CCDC60: variants seen among roughly 807,000 people sequenced by gnomAD.
CCDC60 encodes the protein coiled-coil domain-containing protein 60.
In CCDC60, 54 loss-of-function variants were observed where a neutral mutation model predicts 63.5. The observed-to-expected ratio is 0.85, with a 90% CI of 0.68 to 1.07. CCDC60 has a LOEUF of 1.07. Among genes scored for constraint, CCDC60 ranks in the 50% least tolerant of loss-of-function variants. CCDC60 has a pLI of 0.00. For missense variants in CCDC60, 651 were observed against 684.3 expected, an observed-to-expected ratio of 0.95 and a Z score of 0.54; for synonymous variants, 206 against 238.8, an observed-to-expected ratio of 0.86 and a Z score of 1.27.
intron 1 of CCDC60, among the ~76,000 whole-genome samples, chr12:119,399,690 G>A (rs1437741555): frequency 1.3e-5 from 2 of 152,164 alleles, no homozygotes; most frequent in Non-Finnish European, 2.9e-5. Context: ...CAGGGGGGAA[G>A]GGAAGGATGT....
rs750839889 is a variant in CCDC60, at chr12:119,488,787, C to T, written c.478C>T (p.Leu160Phe). ...VEPLFRQLCA[L>F]HWLLEALTID... ...GCCCCTCTTCCGCCAGCTCTGTGCT[C>T]TCCACTGGCTTCTGGAGGCCCTGAC... The change falls in exon 5 of 14, where the codon CTC becomes TTC. Residue 160 changes from leucine to phenylalanine, a missense_variant. Physicochemically the swap from Leu to Phe is conservative, Grantham distance 22 (BLOSUM62 0). Transcript: ENST00000327554. The T allele has an allele frequency of 6.2e-7, 1 of 1,614,208 alleles. No individual in the cohort carries two copies. Among genetic ancestry groups the T allele is most frequent in the South Asian group, 1.1e-5 (1 of 91,080 alleles).
At chr12:119,523,103 T>C in intron 10 of CCDC60, 102 bp downstream of exon 10, 2 of 1,050,272 alleles carry the variant, frequency 1.9e-6, no homozygotes, top group Non-Finnish European at 3.0e-6. Context: ...CAGACCAGAC[T>C]CCCTAAAGCC....
At chr12:119,374,500 G>A (rs1955931202) in intron 1 of CCDC60, among the ~76,000 whole-genome samples, 2 of 152,130 alleles carry the variant, frequency 1.3e-5, no homozygotes, top group African/African-American at 2.4e-5. Flanking sequence ...GACGGGAAAG[G>A]GTATGATGAG....
intron 1 of CCDC60, among the ~76,000 whole-genome samples, chr12:119,394,494 A>T (rs976793015): frequency 6.6e-6 from 1 of 152,084 alleles, no homozygotes; most frequent in African/African-American, 2.4e-5. Flanking sequence ...GCCCAAGGAG[A>T]CCTCTCACTG....
At chr12:119,400,854 G>A (rs891634260) in intron 1 of CCDC60, among the ~76,000 whole-genome samples, 4 of 152,158 alleles carry the variant, frequency 2.6e-5, no homozygotes, top group Non-Finnish European at 5.9e-5. Flanking sequence ...AGCCCATTTG[G>A]GCCAATGGGT....
intron 1 of CCDC60, among the ~76,000 whole-genome samples, chr12:119,345,031 C>T (rs2136146681): frequency 6.6e-6 from 1 of 152,234 alleles, no homozygotes; most frequent in South Asian, 2.1e-4. Context: ...ACTATCTTCC[C>T]TAGGAAACTG....
At chr12:119,447,220 CTT>C (rs1950558802) in intron 2 of CCDC60, among the ~76,000 whole-genome samples, 1 of 152,198 alleles carries the variant, frequency 6.6e-6, no homozygotes, top group South Asian at 2.1e-4. Flanking sequence ...CAAAAGCCCT[CTT>C]TGCACGGTGA....
At chr12:119,536,487 CT>C (rs1953010232) in intron 13 of CCDC60, among the ~76,000 whole-genome samples, 1 of 152,128 alleles carries the variant, frequency 6.6e-6, no homozygotes, top group African/African-American at 2.4e-5. Flanking sequence ...TGCCCATTAG[CT>C]GATGCAGTTT....
At chr12:119,407,891 T>C (rs960146282) in intron 1 of CCDC60, among the ~76,000 whole-genome samples, 10 of 152,242 alleles carry the variant, frequency 6.6e-5, no homozygotes, top group African/African-American at 2.4e-4. Context: ...TACTGTCTCC[T>C]GTGGTAGTTC....
chr12:119,402,722 G>C (rs753484551), intron 1 of CCDC60, among the ~76,000 whole-genome samples: 5 of 152,130 alleles, frequency 3.3e-5, no homozygotes, highest in Non-Finnish European at 5.9e-5. Context: ...GTGTTGTGTT[G>C]GGTAATCTCT....
chr12:119,396,013 C>T (rs575076184), intron 1 of CCDC60, among the ~76,000 whole-genome samples: 1 of 152,214 alleles, frequency 6.6e-6, no homozygotes, highest in African/African-American at 2.4e-5. Flanking sequence ...TCTCAACTCA[C>T]TGCAACCTCT....
At chr12:119,513,608 T>G (rs1460849086) in intron 7 of CCDC60, among the ~76,000 whole-genome samples, 1 of 152,212 alleles carries the variant, frequency 6.6e-6, no homozygotes, top group Non-Finnish European at 1.5e-5. Flanking sequence ...GATGTCACCT[T>G]GACTTAACTA....
intron 6 of CCDC60, among the ~76,000 whole-genome samples, chr12:119,501,062 A>G (rs1237586123): frequency 6.6e-6 from 1 of 152,338 alleles, no homozygotes; most frequent in East Asian, 1.9e-4. Context: ...TGAGATAGGT[A>G]AAGGTAATAG....
intron 1 of CCDC60, among the ~76,000 whole-genome samples, chr12:119,384,400 G>A (rs1321365351): frequency 2.0e-5 from 3 of 152,216 alleles, no homozygotes; most frequent in Non-Finnish European, 4.4e-5. Context: ...GCAGCTGGGT[G>A]ATGAGTTTCT....
In CCDC60 at chr12:119,439,150, CAAAAAAAAA is replaced by C. The variant is rs11317847; in HGVS notation, c.170+10404_170+10412del. Among the ~76,000 whole-genome samples, 20 of 72,280 alleles carry C rather than the reference CAAAAAAAAA, an allele frequency of 2.8e-4. No individual in the cohort carries two copies. The South Asian group carries it at 4.7e-3, about 17-fold the overall frequency. 47.4% of individuals were successfully genotyped at this position (72,280 alleles called of 152,430 possible). A position where few individuals can be genotyped will look rare whatever the true frequency, so the allele number is the denominator to read the frequency against. On this transcript the variant is annotated intron_variant, in intron 2 of 13. Transcript: ENST00000327554. ...ACAGTATATACATCCCTTTTCTGGG[CAAAAAAAAA>C]AAAAAAAAAAAAAAAGAGTTAGCTC...
At chr12:119,507,605 TATATATA>T (rs1952080204) in intron 7 of CCDC60, among the ~76,000 whole-genome samples, 1 of 32,534 alleles carries the variant, frequency 3.1e-5, no homozygotes, top group African/African-American at 1.7e-4. Flanking sequence ...TATATATATA[TATATATA>T]TATTTTTTTT....
At chr12:119,370,867 A>C (rs1047421423) in intron 1 of CCDC60, among the ~76,000 whole-genome samples, 7 of 151,940 alleles carry the variant, frequency 4.6e-5, no homozygotes, top group Non-Finnish European at 1.0e-4. Flanking sequence ...ATCTCTACAA[A>C]ATATTTTCAA....
intron 2 of CCDC60, among the ~76,000 whole-genome samples, chr12:119,470,171 C>T (rs115864669): frequency 0.013 from 2,033 of 152,296 alleles, 39 homozygotes; most frequent in African/African-American, 0.046. Context: ...ATGCCATGTC[C>T]CACTTTGTTC....
chr12:119,353,550 A>C (rs558053360), intron 1 of CCDC60, among the ~76,000 whole-genome samples: 25 of 113,134 alleles, frequency 2.2e-4, no homozygotes, highest in South Asian at 1.7e-3. Context: ...TTGTCTCTCT[A>C]TGTTTCTCTC....
Sources: gnomAD v4.1 joint callset for allele counts (sites outside exome capture counted in the v4.1 genomes callset) on GRCh38, gnomAD v4.1.1 for gene constraint, MANE v1.5 for transcripts, NCBI Gene and HGNC (gene_info 2026-07-23, HGNC 2026-07-21) for gene names.